The following PEG3 variants were observed in gnomAD, a reference collection of about 807,000 sequenced individuals.
PEG3 encodes paternally expressed 3.
A neutral mutation model predicts 35.5 loss-of-function variants in PEG3; 23 were observed. The ratio of observed to expected loss-of-function variants is 0.65; its 90% CI spans 0.47 to 0.92. The LOEUF (loss-of-function observed/expected upper bound fraction) is 0.92, where lower values mean the gene tolerates loss of function less well. Among genes scored for constraint, PEG3 ranks in the 40% least tolerant of loss-of-function variants. The pLI, the probability that PEG3 is intolerant of heterozygous loss-of-function variation, is 0.00. For synonymous variants in PEG3, 707 were observed against 697.0 expected (o/e 1.01, Z -0.23); for missense variants, 1,960 against 1,985.3 (o/e 0.99, Z 0.24).
In PEG3 at chr19:56,824,673, T is replaced by C. The variant is rs1453054566; in HGVS notation, c.-18A>G. On this transcript the variant is annotated 5_prime_UTR_variant, in exon 4 of 10. Coordinates refer to ENST00000326441, the MANE Select transcript of PEG3 (RefSeq NM_006210.3). ...GGCAGCATTTCTCTAAGTAAAATTTTCACTGGAGGAACCAAACATGAGTCA... is the reference window on the plus strand; with the variant it reads ...GGCAGCATTTCTCTAAGTAAAATTTCCACTGGAGGAACCAAACATGAGTCA... 2 of 1,583,760 alleles carry C rather than the reference T, an allele frequency of 1.3e-6. No homozygotes were observed. The highest frequency in any genetic ancestry group is 2.7e-5 in the African/African-American group (2 of 73,442).
At chr19:56,831,447 T>G (rs1409215944) in intron 2 of PEG3, among the ~76,000 whole-genome samples, 3 of 152,216 alleles carry the variant, frequency 2.0e-5, no homozygotes, top group South Asian at 2.1e-4. Flanking sequence ...TTTCTAGAAT[T>G]AGGGTTGGCC....
rs538479539 is a variant in PEG3 at position 56,816,367 on chromosome 19, T to C, written c.2075A>G (p.Asp692Gly). 69 of 1,614,024 alleles carry C rather than the reference T, an allele frequency of 4.3e-5. No homozygotes were observed. The South Asian group carries it at 6.8e-4, about 16-fold the overall frequency. ...GAGCTCTGAGCTTTGCATGAAGGCA[T>C]CCCGGCCATCTGTAAAGTCACAGAG... ...EKLCDFTDGR[D>G]AFMQSSELSE... Residue 692 changes from aspartate (D) to glycine (G), a missense_variant, in exon 10 of 10, where the codon GAT becomes GGT. By Grantham distance (94) the Asp-to-Gly change is moderately conservative. Around this residue, in one of 5 missense-constraint regions of PEG3, gnomAD observed 798 missense variants for 782.4 expected, o/e 1.02. Transcript: ENST00000326441.
chr19:56,827,614 C>T (rs1338346787), intron 2 of PEG3, among the ~76,000 whole-genome samples: 1 of 152,158 alleles, frequency 6.6e-6, no homozygotes, highest in Non-Finnish European at 1.5e-5. Context: ...CACATATCCT[C>T]CTCTCCTACA....
chr19:56,822,543 T>C, intron 6 of PEG3: 1 of 538,680 alleles, frequency 1.9e-6, no homozygotes, highest in Non-Finnish European at 3.2e-6. Flanking sequence ...AGCAAATAGT[T>C]TAGGTGGCAA....
intron 2 of PEG3, among the ~76,000 whole-genome samples, chr19:56,832,488 T>C (rs148001053): frequency 2.6e-4 from 40 of 152,336 alleles, no homozygotes; most frequent in African/African-American, 9.4e-4. Flanking sequence ...GGCAAACCCA[T>C]ATCCTTCCTG....
rs868622330 is a variant in PEG3, at chr19:56,824,388, C to T, written c.268G>A (p.Val90Ile). ...ATGATGGTCAGGTACTGCTCAAGGA[C>T]CAAGAGCTCGATGATCTCCTCCTTG... is the stretch of plus-strand genomic sequence containing the variant. ...RTKEEIIELL[V>I]LEQYLTIIPE... The change falls in exon 4 of 10, where the codon GTC becomes ATC. Residue 90 changes from valine (V) to isoleucine (I), a missense_variant. By Grantham distance (29) the Val-to-Ile change is conservative. Coordinates refer to ENST00000326441, the MANE Select transcript of PEG3 (RefSeq NM_006210.3). The T allele has an allele frequency of 6.2e-7, 1 of 1,614,116 alleles. No homozygotes were observed. Among genetic ancestry groups the T allele is most frequent in the Non-Finnish European group, 8.5e-7 (1 of 1,180,024 alleles).
chr19:56,812,735 CT>C lies in PEG3; in HGVS notation c.*939del, dbSNP rs2059621113. ...GATCTAGTGATGGTTGTAACCCATT[CT>C]TTAAAGGCAAAGATGTAAGATTTAC... On this transcript the variant is annotated 3_prime_UTR_variant, in exon 10 of 10. Transcript: ENST00000326441. 1 of 984,332 alleles carries C rather than the reference CT, an allele frequency of 1.0e-6. No homozygotes were observed. The highest frequency in any genetic ancestry group is 1.8e-5 in the African/African-American group (1 of 56,904). The allele number at this position is 984,332 out of a possible 1,614,324, so 61.0% of individuals were successfully genotyped here. A position where few individuals can be genotyped will look rare whatever the true frequency, so the allele number is the denominator to read the frequency against.
chr19:56,835,703 C>T (rs1255615939), intron 2 of PEG3, among the ~76,000 whole-genome samples: 1 of 152,248 alleles, frequency 6.6e-6, no homozygotes, highest in African/African-American at 2.4e-5. Context: ...AAAGTACACA[C>T]TTGATCAATA....
Position 56,810,947 on chromosome 19 carries a change from A to G in PEG3, c.*2728T>C, listed in dbSNP as rs1262220407. ...ATTATAGGGAACATTTGAAAAAATT[A>G]AAGTGAAAGTATTTAACCATAATTC... On this transcript the variant is annotated 3_prime_UTR_variant, in exon 10 of 10. Transcript: ENST00000326441. 1.0e-6 allele frequency: 1 copy of G among 969,698 alleles called. No individual in the cohort carries two copies. Among genetic ancestry groups the G allele is most frequent in the East Asian group, 1.1e-4 (1 of 8,770 alleles). 60.1% of individuals were successfully genotyped at this position (969,698 alleles called of 1,614,324 possible).
chr19:56,835,706 G>C (rs969813607), intron 2 of PEG3, among the ~76,000 whole-genome samples: 1 of 152,190 alleles, frequency 6.6e-6, no homozygotes, highest in Non-Finnish European at 1.5e-5. Flanking sequence ...GTACACACTT[G>C]ATCAATATTC....
At chr19:56,839,211 T>C (rs946479793) in intron 1 of PEG3, among the ~76,000 whole-genome samples, 1 of 151,996 alleles carries the variant, frequency 6.6e-6, no homozygotes, top group African/African-American at 2.4e-5. Context: ...CCGCCCCATC[T>C]GCCACCAACC....
chr19:56,828,833 C>T (rs1348892229), intron 2 of PEG3, among the ~76,000 whole-genome samples: 1 of 152,006 alleles, frequency 6.6e-6, no homozygotes, highest in Non-Finnish European at 1.5e-5. Context: ...TACAATAAAC[C>T]TTTTTTGACC....
Position 56,814,760 on chromosome 19 carries a change from G to A in PEG3, c.3682C>T (p.Leu1228Phe). 6.2e-7 allele frequency: 1 copy of A among 1,614,112 alleles called. No homozygotes were observed. The highest frequency in any genetic ancestry group is 8.5e-7 in the Non-Finnish European group (1 of 1,180,044). Residue 1228 changes from leucine to phenylalanine, a missense_variant, in exon 10 of 10, where the codon CTT becomes TTT. This residue lies in a region of PEG3 where 124 missense variants were observed against 179.6 expected (regional missense o/e 0.69). Coordinates refer to ENST00000326441, the MANE Select transcript of PEG3 (RefSeq NM_006210.3). This position sits in a 1 kb window ranked among gnomAD's most constrained non-coding sequence, Gnocchi z 5.8. ...TGAATGAAGCCTTGTCCACACAAAA[G>A]GCATCGAATGGCCGACCCAGCAAGA... The part of the protein sequence containing the change: ...PALAGSAIRC[L>F]LCGQGFIHSS...
Position 56,818,616 on chromosome 19 carries a change from C to T in PEG3, c.756G>A (p.Arg252=), listed in dbSNP as rs1248130799. 1 of 1,614,138 alleles carries T rather than the reference C, an allele frequency of 6.2e-7. No homozygotes were observed. Among genetic ancestry groups the T allele is most frequent in the Non-Finnish European group, 8.5e-7 (1 of 1,180,032 alleles). Residue 252 remains arginine (R), a synonymous_variant, in exon 8 of 10, where the codon AGG becomes AGA. Coordinates refer to ENST00000326441, the MANE Select transcript of PEG3 (RefSeq NM_006210.3). ...NTIQDNMENY[R]KLLSLVQLAE... ...GCTGCTTACCGAGGGAGAGCAGCTT[C>T]CTGTAGTTTTCCATGTTGTCCTGGA...
intron 7 of PEG3, among the ~76,000 whole-genome samples, chr19:56,820,700 T>G (rs1181771117): frequency 6.6e-6 from 1 of 151,716 alleles, no homozygotes; most frequent in Non-Finnish European, 1.5e-5. Flanking sequence ...TCTTGTTAAC[T>G]CTCTATTTTT....
chr19:56,827,211 C>T lies in PEG3; in HGVS notation c.-162-748G>A, dbSNP rs150441447. Among the ~76,000 whole-genome samples, 400 of 152,204 alleles carry T rather than the reference C, an allele frequency of 2.6e-3. 1 individual carries two copies. The highest frequency in any genetic ancestry group is 9.0e-3 in the African/African-American group (375 of 41,524). On this transcript the variant is annotated intron_variant, in intron 2 of 9. Transcript: ENST00000326441. Reference sequence around the variant, plus strand: ...AATTAATTTTGTGACCACTTGAATGCCCATATGTATCTTGTCACAAGGTGG... The same window carrying T: ...AATTAATTTTGTGACCACTTGAATGTCCATATGTATCTTGTCACAAGGTGG...
Position 56,812,904 on chromosome 19 carries a change from A to G in PEG3, c.*771T>C. 1 of 985,826 alleles carries G rather than the reference A, an allele frequency of 1.0e-6. No individual in the cohort carries two copies. The highest frequency in any genetic ancestry group is 1.2e-6 in the Non-Finnish European group (1 of 829,902). The allele number at this position is 985,826 out of a possible 1,614,324, so 61.1% of individuals were successfully genotyped here. ...AAACATAACATGTGGCAACCAATCAATCTGGGTCACAAAAAGCCAATCCGT... is the reference window on the plus strand; with the variant it reads ...AAACATAACATGTGGCAACCAATCAGTCTGGGTCACAAAAAGCCAATCCGT... On this transcript the variant is annotated 3_prime_UTR_variant, in exon 10 of 10. Coordinates refer to ENST00000326441, the MANE Select transcript of PEG3 (RefSeq NM_006210.3).
At chr19:56,830,590 G>C (rs1250012053) in intron 2 of PEG3, among the ~76,000 whole-genome samples, 1 of 152,176 alleles carries the variant, frequency 6.6e-6, no homozygotes, top group Admixed American at 6.5e-5. Flanking sequence ...GTCCTAGCTA[G>C]TGCAACTGAA....
chr19:56,822,907 A>C, intron 5 of PEG3, 71 bp from the exon 6 acceptor site: 1 of 1,552,606 alleles, frequency 6.4e-7, no homozygotes, highest in Non-Finnish European at 8.7e-7. Context: ...ATGTGCACAA[A>C]CACCCCTCTG....
Sources: allele counts gnomAD v4.1 joint callset (sites outside exome capture counted in the v4.1 genomes callset), GRCh38; gene constraint gnomAD v4.1.1; regional missense constraint gnomAD v4.1.1; non-coding constraint Gnocchi (gnomAD v3.1); transcripts MANE v1.5; gene names NCBI Gene and HGNC (gene_info 2026-07-23, HGNC 2026-07-21).